Variants in RASSF6 observed in about 807,000 individuals in gnomAD.
RASSF6 encodes the protein ras association domain-containing protein 6.
RASSF6 carries 52 observed loss-of-function variants against 44.0 expected under a neutral mutation model. The observed-to-expected ratio is 1.18, with a 90% CI of 0.95 to 1.49. The LOEUF (loss-of-function observed/expected upper bound fraction) is 1.49, where lower values mean the gene tolerates loss of function less well. Among genes scored for constraint, RASSF6 ranks in the 40% most tolerant of loss-of-function variants. The pLI is 0.00. For synonymous variants in RASSF6, 162 were observed against 124.6 expected (o/e 1.30, Z -2.00); for missense variants, 464 against 393.3 (o/e 1.18, Z -1.52).
In RASSF6 at chr4:73,591,236, CAT is replaced by C. The variant is rs907033774; in HGVS notation, c.287+2213_287+2214del. On this transcript the variant is annotated intron_variant, in intron 4 of 10. Coordinates refer to ENST00000307439, the MANE Select transcript of RASSF6 (RefSeq NM_177532.5). ...TCTGCAATGTACATATGCATAAAAA[CAT>C]GTATCCCACAAATTTATAGAATTAT... Among the ~76,000 whole-genome samples, 55 of 152,150 alleles carry C rather than the reference CAT, an allele frequency of 3.6e-4. 2 individuals are homozygous for C. The highest frequency in any genetic ancestry group is 1.3e-3 in the African/African-American group (52 of 41,492).
chr4:73,609,350 A>G (rs1725857392), intron 2 of RASSF6, among the ~76,000 whole-genome samples: 1 of 152,218 alleles, frequency 6.6e-6, no homozygotes, highest in African/African-American at 2.4e-5. Context: ...AGCAGTGTGC[A>G]ATGATGACTC....
In RASSF6 at chr4:73,574,201, T is replaced by G. The variant is rs1723074836; in HGVS notation, c.*2034A>C. The stretch of plus-strand genomic sequence containing the variant: ...GGACCCTGCTGGGCTGGCCAACTAC[T>G]GAGCCACTTGCCTGAGCTTTGTCTT... On this transcript the variant is annotated 3_prime_UTR_variant, in exon 11 of 11. Coordinates refer to ENST00000307439, the MANE Select transcript of RASSF6 (RefSeq NM_177532.5). 1 of 152,630 alleles carries G rather than the reference T, an allele frequency of 6.6e-6. No homozygotes were observed. The highest frequency in any genetic ancestry group is 2.1e-4 in the South Asian group (1 of 4,838). The allele number at this position is 152,630 out of a possible 1,614,324, so 9.5% of individuals were successfully genotyped here. A position where few individuals can be genotyped will look rare whatever the true frequency, so the allele number is the denominator to read the frequency against.
intron 4 of RASSF6, among the ~76,000 whole-genome samples, chr4:73,592,180 C>A (rs1578037937): frequency 6.6e-6 from 1 of 152,108 alleles, no homozygotes; most frequent in African/African-American, 2.4e-5. Context: ...TTCAGCATGG[C>A]AGTAGCATAA....
At chr4:73,616,826 A>G (rs1308299973) in intron 1 of RASSF6, among the ~76,000 whole-genome samples, 1 of 152,228 alleles carries the variant, frequency 6.6e-6, no homozygotes, top group Non-Finnish European at 1.5e-5. Flanking sequence ...GAAAGTTACA[A>G]TTATGTATTC....
intron 1 of RASSF6, among the ~76,000 whole-genome samples, chr4:73,617,467 G>A (rs901314905): frequency 5.9e-5 from 9 of 152,138 alleles, no homozygotes; most frequent in African/African-American, 1.9e-4. Context: ...TTACTGGTGT[G>A]GTGGAACTCA....
chr4:73,585,618 C>T (rs920898878), intron 5 of RASSF6, among the ~76,000 whole-genome samples: 1 of 151,622 alleles, frequency 6.6e-6, no homozygotes, highest in South Asian at 2.1e-4. Flanking sequence ...TCACAATGAT[C>T]ATGTTTGGGG....
chr4:73,575,717 C>T lies in RASSF6; in HGVS notation c.*518G>A, dbSNP rs1723169274. The T allele has an allele frequency of 6.6e-6, 1 of 152,176 alleles. No individual in the cohort carries two copies. The highest frequency in any genetic ancestry group is 2.4e-5 in the African/African-American group (1 of 41,486). The allele number at this position is 152,176 out of a possible 1,614,324, so 9.4% of individuals were successfully genotyped here. On this transcript the variant is annotated 3_prime_UTR_variant, in exon 11 of 11. Transcript: ENST00000307439. ...AGACAGCTCTGATGTTACAGATAGT[C>T]AGAAGTCAACAGGCCATTTAAGATA...
intron 1 of RASSF6, 72 bp from the exon 2 acceptor site, chr4:73,611,901 G>A: frequency 9.7e-7 from 1 of 1,025,654 alleles, no homozygotes; most frequent in African/African-American, 1.6e-5. Context: ...TTTAAGTTGA[G>A]TGTTTTGTTG....
At chr4:73,618,527 C>T (rs1726513049) in intron 1 of RASSF6, among the ~76,000 whole-genome samples, 3 of 152,062 alleles carry the variant, frequency 2.0e-5, no homozygotes, top group Admixed American at 2.0e-4. Flanking sequence ...AGCATATTTC[C>T]TCTTTGAAAA....
intron 2 of RASSF6, among the ~76,000 whole-genome samples, chr4:73,600,734 A>T (rs985879740): frequency 6.7e-6 from 1 of 148,520 alleles, no homozygotes; most frequent in African/African-American, 2.5e-5. Flanking sequence ...CCATAAAAAG[A>T]TCCTCCTGAA....
chr4:73,581,292 T>A lies in RASSF6; in HGVS notation c.721+525A>T, dbSNP rs191365360. Among the ~76,000 whole-genome samples the A allele has an allele frequency of 3.9e-5, 6 of 152,298 alleles. No individual in the cohort carries two copies. In the South Asian group the frequency reaches 8.3e-4, roughly 21 times the overall value. ...TATTCTCTCTATTATGCTCCTAGCA[T>A]CCCACTTACAGCGCCTTCCCAATGT... On this transcript the variant is annotated intron_variant, in intron 8 of 10. Transcript: ENST00000307439.
chr4:73,599,984 C>T (rs1009980361), intron 2 of RASSF6, among the ~76,000 whole-genome samples: 2 of 152,124 alleles, frequency 1.3e-5, no homozygotes, highest in African/African-American at 4.8e-5. Context: ...TTGCTGATCC[C>T]TCTGCCCAGA....
intron 2 of RASSF6, among the ~76,000 whole-genome samples, chr4:73,609,560 C>G (rs1725870119): frequency 6.6e-6 from 1 of 152,128 alleles, no homozygotes; most frequent in African/African-American, 2.4e-5. Context: ...ATGAAATTTG[C>G]TGAAACCAAA....
At position 73,575,482 on chromosome 4, in the gene RASSF6, G is replaced by A. The variant is rs1723149009; in HGVS notation, c.*753C>T. On this transcript the variant is annotated 3_prime_UTR_variant, in exon 11 of 11. Transcript: ENST00000307439. Reference sequence around the variant, plus strand: ...TTGTGGGCCAAGTCTTACTTTAGCCGATGTAATATGTCTATGTGATATAAA... The same window carrying A: ...TTGTGGGCCAAGTCTTACTTTAGCCAATGTAATATGTCTATGTGATATAAA... 6.6e-6 allele frequency: 1 copy of A among 151,772 alleles called. No homozygotes were observed. Among genetic ancestry groups the A allele is most frequent in the African/African-American group, 2.4e-5 (1 of 41,296 alleles). The allele number at this position is 151,772 out of a possible 1,614,324, so 9.4% of individuals were successfully genotyped here.
At chr4:73,610,345 A>G (rs1388799849) in intron 2 of RASSF6, among the ~76,000 whole-genome samples, 1 of 152,128 alleles carries the variant, frequency 6.6e-6, no homozygotes, top group Non-Finnish European at 1.5e-5. Flanking sequence ...GCTCCTTGGT[A>G]ACTTCTCTGT....
rs1422407382 is a variant in RASSF6 at position 73,575,348 on chromosome 4, T to C, written c.*887A>G. 6.6e-6 allele frequency: 1 copy of C among 152,102 alleles called. No individual in the cohort carries two copies. Among genetic ancestry groups the C allele is most frequent in the Non-Finnish European group, 1.5e-5 (1 of 68,008 alleles). 9.4% of individuals were successfully genotyped at this position (152,102 alleles called of 1,614,324 possible). On this transcript the variant is annotated 3_prime_UTR_variant, in exon 11 of 11. Coordinates refer to ENST00000307439, the MANE Select transcript of RASSF6 (RefSeq NM_177532.5). ...ACAGATCTGTGAGTACCTTGAGAGT[T>C]GTCATGTAGAATAAGATGCTAAGAG...
At chr4:73,614,079 A>C (rs1726190988) in intron 1 of RASSF6, among the ~76,000 whole-genome samples, 1 of 152,194 alleles carries the variant, frequency 6.6e-6, no homozygotes, top group South Asian at 2.1e-4. Context: ...TTTCCCATCT[A>C]GGCATCAAAA....
At position 73,576,115 on chromosome 4, in the gene RASSF6, AT is replaced by A. The variant is rs1560435404; in HGVS notation, c.*119del. ...AGAAATGAGCTTTTTTTGACATTCAATTTTCTACGATTCAAGTCTCATATAT... is the reference window on the plus strand; with the variant it reads ...AGAAATGAGCTTTTTTTGACATTCAATTTCTACGATTCAAGTCTCATATAT... On this transcript the variant is annotated 3_prime_UTR_variant, in exon 11 of 11. Transcript: ENST00000307439. The A allele has an allele frequency of 1.6e-5, 9 of 564,806 alleles. No homozygotes were observed. Among genetic ancestry groups the A allele is most frequent in the African/African-American group, 3.9e-5 (2 of 51,826 alleles). The allele number at this position is 564,806 out of a possible 1,614,324, so 35.0% of individuals were successfully genotyped here.
chr4:73,582,266 C>T lies in RASSF6; in HGVS notation c.592G>A (p.Glu198Lys). The change falls in exon 7 of 11, where the codon GAA (glutamate) becomes AAA (lysine). Residue 198 changes from glutamate to lysine, a missense_variant. Transcript: ENST00000307439. ...TTTACTCTGACCTTAGTTTCTGATT[C>T]AAAGGCTGGAATGAAAATTGATGTC... ...HETSIFIPAF[E>K]SETKVRVNSN... 1.9e-6 allele frequency: 3 copies of T among 1,590,644 alleles called. No homozygotes were observed. Among genetic ancestry groups the T allele is most frequent in the Non-Finnish European group, 2.6e-6 (3 of 1,164,496 alleles).
Sources: gnomAD v4.1 joint callset for allele counts (sites outside exome capture counted in the v4.1 genomes callset) on GRCh38, gnomAD v4.1.1 for gene constraint, MANE v1.5 for transcripts, NCBI Gene and HGNC (gene_info 2026-07-23, HGNC 2026-07-21) for gene names.